The following LASP1 variants were observed in gnomAD, a reference collection of about 807,000 sequenced individuals.
LASP1 encodes LIM and SH3 domain protein 1.
A neutral mutation model predicts 38.6 loss-of-function variants in LASP1; 10 were observed. The observed-to-expected ratio is 0.26, with a 90% CI of 0.16 to 0.44. LASP1 has a LOEUF of 0.44. LASP1 is among the 20% of genes least tolerant of loss of function. The pLI is 1.00. For missense variants in LASP1, 243 were observed against 375.7 expected (o/e 0.65, Z 2.92); for synonymous variants, 132 against 140.8 (o/e 0.94, Z 0.44).
In LASP1 at chr17:38,918,816, G is replaced by A. The variant is rs1029814127; in HGVS notation, c.*38G>A. 1.1e-5 allele frequency: 18 copies of A among 1,606,802 alleles called. No homozygotes were observed. Among genetic ancestry groups the A allele is most frequent in the Admixed American group, 1.7e-5 (1 of 59,902 alleles). On this transcript the variant is annotated 3_prime_UTR_variant, in exon 7 of 7. Transcript: ENST00000318008. The surrounding 1 kb of genome is among the most constrained non-coding windows in gnomAD (Gnocchi z 4.4). ...CCCATCTGTCTTCAGCACATTCCAC[G>A]GCATCGCATCCGTCCTGGGCGTGAC...
chr17:38,896,119 G>GCA (rs1914483865), intron 3 of LASP1, among the ~76,000 whole-genome samples: 2 of 70,592 alleles, frequency 2.8e-5, no homozygotes, highest in Non-Finnish European at 8.9e-5. Context: ...GGCAAGAAGG[G>GCA]AGCCCTGAAG....
At chr17:38,882,293 G>A (rs1033730031) in intron 2 of LASP1, among the ~76,000 whole-genome samples, 4 of 152,180 alleles carry the variant, frequency 2.6e-5, no homozygotes, top group African/African-American at 9.7e-5. Flanking sequence ...TGTCGCTCAG[G>A]CTGGAGTGCA....
In LASP1 at chr17:38,920,616, A is replaced by T. The variant is rs574696153; in HGVS notation, c.*1838A>T. 1 of 234,060 alleles carries T rather than the reference A, an allele frequency of 4.3e-6. No individual in the cohort carries two copies. Among genetic ancestry groups the T allele is most frequent in the Non-Finnish European group, 8.4e-6 (1 of 118,408 alleles). The allele number at this position is 234,060 out of a possible 1,614,324, so 14.5% of individuals were successfully genotyped here. A position where few individuals can be genotyped will look rare whatever the true frequency, so the allele number is the denominator to read the frequency against. ...GTATTGGCCTGTTCAACAATCAGTC[A>T]TCATGGGTGTTTTTGTCAACTGCTT... On this transcript the variant is annotated 3_prime_UTR_variant, in exon 7 of 7. Coordinates refer to ENST00000318008, the MANE Select transcript of LASP1 (RefSeq NM_006148.4).
intron 2 of LASP1, among the ~76,000 whole-genome samples, chr17:38,879,161 C>CT (rs55952948): frequency 0.054 from 6,649 of 123,588 alleles, 720 homozygotes; most frequent in African/African-American, 0.18. Flanking sequence ...TTTTAATTTG[C>CT]TTTTTTTTTT....
intron 4 of LASP1, among the ~76,000 whole-genome samples, chr17:38,901,888 C>T (rs1304342142): frequency 6.6e-6 from 1 of 152,030 alleles, no homozygotes; most frequent in Non-Finnish European, 1.5e-5. Flanking sequence ...GCCTCAGCCT[C>T]GTGAGTAGCT....
chr17:38,914,685 C>G (rs1462893497), intron 5 of LASP1, among the ~76,000 whole-genome samples: 8 of 142,190 alleles, frequency 5.6e-5, no homozygotes, highest in African/African-American at 1.1e-4. Flanking sequence ...CAGACACACA[C>G]ACACACACAC....
chr17:38,902,395 T>TA (rs1176843413), intron 4 of LASP1, among the ~76,000 whole-genome samples: 2 of 109,064 alleles, frequency 1.8e-5, no homozygotes, highest in East Asian at 2.3e-4. Flanking sequence ...TTTTTTTTTT[T>TA]AATCAGAGAC....
At chr17:38,907,161 G>A (rs1472736050) in intron 4 of LASP1, among the ~76,000 whole-genome samples, 1 of 152,196 alleles carries the variant, frequency 6.6e-6, no homozygotes, top group African/African-American at 2.4e-5. Context: ...CTGGCGAGGG[G>A]AAGGAGAGGA....
Position 38,915,010 on chromosome 17 carries a change from A to G in LASP1, c.509-33A>G, listed in dbSNP as rs750717482. The G allele has an allele frequency of 2.5e-6, 4 of 1,604,234 alleles. No homozygotes were observed. In the South Asian group the frequency reaches 3.3e-5, roughly 13 times the overall value. Reference sequence around the variant, plus strand: ...TGGGAGGGGCTGGGTTTGGCAGGACAGTTTCCAAGCCCTGTCTCCTCCCAT... The same window carrying G: ...TGGGAGGGGCTGGGTTTGGCAGGACGGTTTCCAAGCCCTGTCTCCTCCCAT... On this transcript the variant is annotated intron_variant, in intron 5 of 6. Transcript: ENST00000318008.
Position 38,918,734 on chromosome 17 carries a change from G to A in LASP1, c.742G>A (p.Gly248Ser), listed in dbSNP as rs766261412. ...GATGTACGGGACGGTGGAGCGCACC[G>A]GCGACACGGGGATGCTGCCGGCCAA... ...GWMYGTVERT[G>S]DTGMLPANYV... The change falls in exon 7 of 7, where the codon GGC becomes AGC. Residue 248 changes from glycine to serine, a missense_variant. By Grantham distance (56) the Gly-to-Ser change is moderately conservative. This residue lies in a region of LASP1 where 165 missense variants were observed against 210.3 expected (regional missense o/e 0.78). Transcript: ENST00000318008. The surrounding 1 kb of genome is among the most constrained non-coding windows in gnomAD (Gnocchi z 4.4). 4 of 1,613,974 alleles carry A rather than the reference G, an allele frequency of 2.5e-6. No individual in the cohort carries two copies. Among genetic ancestry groups the A allele is most frequent in the East Asian group, 2.2e-5 (1 of 44,894 alleles).
At chr17:38,870,707 C>T (rs1327253591) in intron 1 of LASP1, among the ~76,000 whole-genome samples, 1 of 152,044 alleles carries the variant, frequency 6.6e-6, no homozygotes, top group Admixed American at 6.5e-5. Context: ...CTGGGGGGCC[C>T]TGCAAAACCG....
intron 3 of LASP1, 33 bp downstream of exon 3, chr17:38,890,537 G>A: frequency 6.3e-7 from 1 of 1,592,634 alleles, no homozygotes. Flanking sequence ...GGCCTGGCAG[G>A]GAGGGATGCT....
chr17:38,891,228 T>C (rs1914312337), intron 3 of LASP1, among the ~76,000 whole-genome samples: 1 of 151,988 alleles, frequency 6.6e-6, no homozygotes, highest in Non-Finnish European at 1.5e-5. Context: ...CTTCAGCCGA[T>C]GAAGGATTAG....
rs929332596 is a variant in LASP1 at position 38,870,319 on chromosome 17, G to A, written c.69+61G>A. 17 of 1,573,450 alleles carry A rather than the reference G, an allele frequency of 1.1e-5. No homozygotes were observed. The East Asian group carries it at 1.8e-4, about 17-fold the overall frequency. The stretch of plus-strand genomic sequence containing the variant: ...CCCCGCAGTGCTCCGAATCCAGGGA[G>A]GAGAGAAGGGCCGGGTCTTTGCCGC... On this transcript the variant is annotated intron_variant, in intron 1 of 6. Coordinates refer to ENST00000318008, the MANE Select transcript of LASP1 (RefSeq NM_006148.4).
chr17:38,896,152 C>T (rs1190525428), intron 3 of LASP1, among the ~76,000 whole-genome samples: 3 of 152,026 alleles, frequency 2.0e-5, no homozygotes. Flanking sequence ...CTGGGCCCTC[C>T]CTACACCCCT....
intron 4 of LASP1, among the ~76,000 whole-genome samples, chr17:38,908,210 G>GCC (rs1456453153): frequency 2.0e-5 from 3 of 152,240 alleles, no homozygotes; most frequent in South Asian, 2.1e-4. Flanking sequence ...CCCAGGGCAG[G>GCC]CCCCTGTCCA....
Position 38,898,407 on chromosome 17 carries a change from T to G in LASP1, c.250-5T>G, listed in dbSNP as rs1402020908. The G allele has an allele frequency of 1.3e-6, 2 of 1,544,026 alleles. No homozygotes were observed. Among genetic ancestry groups the G allele is most frequent in the Admixed American group, 2.0e-5 (1 of 50,852 alleles). ...ACTCCAATCCCTCTTCCTCCCCTCC[T>G]GCAGGTGCGCTACAAGGAGGAGTTT... On this transcript the variant is annotated splice_region_variant and splice_polypyrimidine_tract_variant and intron_variant, in intron 3 of 6. Coordinates refer to ENST00000318008, the MANE Select transcript of LASP1 (RefSeq NM_006148.4).
intron 2 of LASP1, among the ~76,000 whole-genome samples, chr17:38,881,600 C>T (rs980934785): frequency 6.6e-6 from 1 of 152,180 alleles, no homozygotes; most frequent in Non-Finnish European, 1.5e-5. Context: ...CAGCTTTCTG[C>T]CATTTCTGTT....
chr17:38,877,861 G>A (rs1422498398), intron 1 of LASP1, among the ~76,000 whole-genome samples: 1 of 152,132 alleles, frequency 6.6e-6, no homozygotes, highest in Non-Finnish European at 1.5e-5. Context: ...CTTCCTCCTG[G>A]GTTCAAATGG....
Sources: allele counts gnomAD v4.1 joint callset (sites outside exome capture counted in the v4.1 genomes callset), GRCh38; gene constraint gnomAD v4.1.1; regional missense constraint gnomAD v4.1.1; non-coding constraint Gnocchi (gnomAD v3.1); transcripts MANE v1.5; gene names NCBI Gene and HGNC (gene_info 2026-07-23, HGNC 2026-07-21).